The following RNF214 variants were observed in gnomAD, a reference collection of about 807,000 sequenced individuals.
RNF214 encodes the protein ring finger protein 214.
In RNF214, 25 loss-of-function variants were observed where a neutral mutation model predicts 75.9. That is an observed-to-expected ratio of 0.33 (90% CI 0.24 to 0.46). The LOEUF (loss-of-function observed/expected upper bound fraction) is 0.46. Among genes scored for constraint, RNF214 ranks in the 20% least tolerant of loss-of-function variants. The pLI, the probability that RNF214 is intolerant of heterozygous loss-of-function variation, is 1.00. For synonymous variants in RNF214, 314 were observed against 308.8 expected (o/e 1.02, Z -0.18); for missense variants, 725 against 857.5 (o/e 0.85, Z 1.93).
rs183302926 is a variant in RNF214, at chr11:117,278,188, C to T, written c.960-1720C>T. On this transcript the variant is annotated intron_variant, in intron 6 of 14. Coordinates refer to ENST00000300650, the MANE Select transcript of RNF214 (RefSeq NM_207343.4). ...GTGTGGTGGCACGTGCCTGTAGTAC[C>T]ACCTACTCGGGAGGCTGAGGCAGGA... 2.2e-4 allele frequency among the ~76,000 whole-genome samples: 34 copies of T among 151,918 alleles called. 1 individual carries two copies. In the East Asian group the frequency reaches 6.4e-3, roughly 29 times the overall value.
chr11:117,269,425 GATC>G (rs1472258126), intron 6 of RNF214, among the ~76,000 whole-genome samples: 1 of 152,120 alleles, frequency 6.6e-6, no homozygotes, highest in Non-Finnish European at 1.5e-5. Context: ...GCAGTGGCAT[GATC>G]ATGGCTCACC....
intron 10 of RNF214, 77 bp downstream of exon 10, chr11:117,281,775 A>G: frequency 2.6e-6 from 4 of 1,511,332 alleles, no homozygotes; most frequent in South Asian, 2.3e-5. Context: ...TGTTCTTTTT[A>G]TGAAGATATT....
intron 2 of RNF214, among the ~76,000 whole-genome samples, chr11:117,236,559 A>T (rs1357161010): frequency 6.6e-6 from 1 of 152,226 alleles, no homozygotes; most frequent in Non-Finnish European, 1.5e-5. Flanking sequence ...GGCATGAGCC[A>T]CCGCACCTGG....
chr11:117,240,831 C>T (rs1480584464), intron 4 of RNF214, among the ~76,000 whole-genome samples: 1 of 151,890 alleles, frequency 6.6e-6, no homozygotes, highest in East Asian at 1.9e-4. Flanking sequence ...CACCTGAGGT[C>T]AGGAGTTTGA....
At chr11:117,275,734 G>GA (rs1165691066) in intron 6 of RNF214, among the ~76,000 whole-genome samples, 1 of 152,150 alleles carries the variant, frequency 6.6e-6, no homozygotes, top group Admixed American at 6.5e-5. Flanking sequence ...TAGTTTGATT[G>GA]AATCAGTAAT....
At chr11:117,244,349 G>C in intron 4 of RNF214, 96 bp from the exon 5 acceptor site, 1 of 909,904 alleles carries the variant, frequency 1.1e-6, no homozygotes, top group Non-Finnish European at 1.7e-6. Flanking sequence ...TGGATAGTGC[G>C]GTCATAGAGC....
Position 117,259,757 on chromosome 11 carries a change from T to TG in RNF214, c.959+12815dup, listed in dbSNP as rs1210869855. ...TGTCTAACTTTTTTATTCCTTTTCT[T>TG]GGGGGGTTGAGTTTTTGAGTTTTTA... On this transcript the variant is annotated intron_variant, in intron 6 of 14. Coordinates refer to ENST00000300650, the MANE Select transcript of RNF214 (RefSeq NM_207343.4). Among the ~76,000 whole-genome samples the TG allele has an allele frequency of 3.9e-5, 6 of 152,330 alleles. No individual in the cohort carries two copies. The South Asian group carries it at 8.3e-4, about 21-fold the overall frequency.
chr11:117,241,332 A>G (rs929451293), intron 4 of RNF214, among the ~76,000 whole-genome samples: 1 of 152,018 alleles, frequency 6.6e-6, no homozygotes, highest in African/African-American at 2.4e-5. Context: ...TTGTAATCCT[A>G]GCACTTTGGG....
intron 5 of RNF214, among the ~76,000 whole-genome samples, chr11:117,245,790 C>T (rs891379455): frequency 1.3e-5 from 2 of 151,786 alleles, no homozygotes; most frequent in African/African-American, 4.8e-5. Context: ...GTAAAATGAC[C>T]CCATTTAAAA....
chr11:117,242,710 G>A (rs1310604553), intron 4 of RNF214, among the ~76,000 whole-genome samples: 3 of 152,112 alleles, frequency 2.0e-5, no homozygotes, highest in African/African-American at 7.2e-5. Flanking sequence ...AAAATTAGCC[G>A]AACGTGGTGG....
intron 5 of RNF214, among the ~76,000 whole-genome samples, chr11:117,245,748 A>G (rs2033206319): frequency 1.3e-5 from 2 of 152,204 alleles, no homozygotes; most frequent in Admixed American, 6.5e-5. Context: ...ATTCATGTCA[A>G]GTAAAAGAAA....
At chr11:117,265,355 C>G (rs2033773340) in intron 6 of RNF214, among the ~76,000 whole-genome samples, 1 of 152,020 alleles carries the variant, frequency 6.6e-6, no homozygotes, top group Non-Finnish European at 1.5e-5. Flanking sequence ...GATAAAGTAT[C>G]TGGAAATTTT....
At chr11:117,235,649 G>A (rs1201950213) in intron 2 of RNF214, among the ~76,000 whole-genome samples, 2 of 152,022 alleles carry the variant, frequency 1.3e-5, no homozygotes, top group African/African-American at 4.8e-5. Flanking sequence ...TAGGATTACA[G>A]CCGCCCAGCA....
At chr11:117,246,776 A>T in intron 5 of RNF214, 33 bp from the exon 6 acceptor site, 1 of 1,477,020 alleles carries the variant, frequency 6.8e-7, no homozygotes, top group Admixed American at 2.3e-5. Flanking sequence ...TTTCTTTTTT[A>T]TTTGTGTGCG....
intron 6 of RNF214, among the ~76,000 whole-genome samples, chr11:117,273,147 A>G: frequency 6.6e-6 from 1 of 152,106 alleles, no homozygotes; most frequent in Non-Finnish European, 1.5e-5. Context: ...TGATTGCAAT[A>G]TATTGTTTTG....
At chr11:117,247,399 G>A (rs2033253584) in intron 6 of RNF214, among the ~76,000 whole-genome samples, 1 of 152,194 alleles carries the variant, frequency 6.6e-6, no homozygotes, top group South Asian at 2.1e-4. Flanking sequence ...GGAGGCTGAG[G>A]TGGAAGAATC....
intron 6 of RNF214, among the ~76,000 whole-genome samples, chr11:117,278,631 A>G (rs1222414992): frequency 6.6e-6 from 1 of 152,174 alleles, no homozygotes; most frequent in Non-Finnish European, 1.5e-5. Flanking sequence ...GTGGGGGGAA[A>G]ACATGTAAGG....
rs77799708 is a variant in RNF214, at chr11:117,284,965, C to A, written c.2047-121C>A. 1,482 of 688,824 alleles carry A rather than the reference C, an allele frequency of 2.2e-3. 15 individuals are homozygous for A. The highest frequency in any genetic ancestry group is 0.021 in the African/African-American group (1,182 of 55,846). The allele number at this position is 688,824 out of a possible 1,614,324, so 42.7% of individuals were successfully genotyped here. On this transcript the variant is annotated intron_variant, in intron 14 of 14. Coordinates refer to ENST00000300650, the MANE Select transcript of RNF214 (RefSeq NM_207343.4). ...AAAAGAACAGCAACAAAAAAAGCCC[C>A]TCTTGTACCTCAGTGTAAGAACTTT...
chr11:117,238,453 C>A, intron 2 of RNF214, 148 bp from the exon 3 acceptor site: 1 of 741,180 alleles, frequency 1.3e-6, no homozygotes, highest in Non-Finnish European at 2.2e-6. Context: ...CCAGGCTATA[C>A]TACCTGCATA....
Sources: gnomAD v4.1 joint callset for allele counts (sites outside exome capture counted in the v4.1 genomes callset) on GRCh38, gnomAD v4.1.1 for gene constraint, MANE v1.5 for transcripts, NCBI Gene and HGNC (gene_info 2026-07-23, HGNC 2026-07-21) for gene names.